Variants in MOCOS observed in about 807,000 individuals in gnomAD.
MOCOS encodes human molybdenum cofactor sulfurase.
In MOCOS, 86 loss-of-function variants were observed where a neutral mutation model predicts 83.6. That is an observed-to-expected ratio of 1.03 (90% CI 0.86 to 1.23). MOCOS has a LOEUF of 1.23. Ranked by LOEUF, MOCOS falls within the 50% of genes most tolerant of loss-of-function variation. The pLI is 0.00. For missense variants in MOCOS, 1,120 were observed against 1,126.9 expected (o/e 0.99, Z 0.09); for synonymous variants, 445 against 434.7 (o/e 1.02, Z -0.29).
At position 36,257,031 on chromosome 18, in the gene MOCOS, A is replaced by T; in HGVS notation, c.2228A>T (p.Asn743Ile). The T allele has an allele frequency of 6.2e-7, 1 of 1,614,144 alleles. No individual in the cohort carries two copies. The highest frequency in any genetic ancestry group is 8.5e-7 in the Non-Finnish European group (1 of 1,180,002). Residue 743 changes from asparagine (N) to isoleucine (I), a missense_variant, in exon 12 of 15, where the codon AAC becomes ATC. Physicochemically the swap from Asn to Ile is moderately radical, Grantham distance 149 (BLOSUM62 -3). Transcript: ENST00000261326. Reference sequence around the variant, plus strand: ...AATGAGGCACAGTATCTGCTGATCAACACATCCAGTATTTTGGAACTTCAC... The same window carrying T: ...AATGAGGCACAGTATCTGCTGATCATCACATCCAGTATTTTGGAACTTCAC... ...LVNEAQYLLI[N>I]TSSILELHRQ...
At chr18:36,205,354 T>G (rs1261128055) in intron 6 of MOCOS, 78 bp downstream of exon 6, 1 of 1,445,478 alleles carries the variant, frequency 6.9e-7, no homozygotes, top group Non-Finnish European at 9.7e-7. Context: ...TGTGACAAAG[T>G]CCATGCACTG....
intron 9 of MOCOS, among the ~76,000 whole-genome samples, chr18:36,226,725 T>G (rs1011282642): frequency 1.2e-4 from 18 of 149,858 alleles, no homozygotes; most frequent in African/African-American, 3.5e-4. Flanking sequence ...TTTTTTTTTT[T>G]GGTGTGTAGT....
intron 8 of MOCOS, among the ~76,000 whole-genome samples, chr18:36,218,789 G>C (rs1020801058): frequency 4.0e-5 from 6 of 151,716 alleles, no homozygotes; most frequent in Non-Finnish European, 7.4e-5. Flanking sequence ...CAAAGTGCTG[G>C]CGTTACAGAC....
intron 10 of MOCOS, among the ~76,000 whole-genome samples, chr18:36,249,580 A>C (rs772623086): frequency 2.0e-5 from 3 of 151,968 alleles, no homozygotes; most frequent in Non-Finnish European, 4.4e-5. Flanking sequence ...ATAGGGAGGG[A>C]AAAGACCTGA....
At chr18:36,214,491 C>T (rs993542323) in intron 7 of MOCOS, among the ~76,000 whole-genome samples, 1 of 151,956 alleles carries the variant, frequency 6.6e-6, no homozygotes, top group African/African-American at 2.4e-5. Flanking sequence ...TCCAGGGATT[C>T]TGCGTCTCCC....
intron 13 of MOCOS, among the ~76,000 whole-genome samples, chr18:36,266,525 G>A (rs770338989): frequency 2.6e-5 from 4 of 152,088 alleles, no homozygotes; most frequent in African/African-American, 4.8e-5. Context: ...CCTGAGAACC[G>A]TCAAGATCTC....
chr18:36,229,361 T>TG (rs2091529578), intron 9 of MOCOS, among the ~76,000 whole-genome samples: 1 of 152,206 alleles, frequency 6.6e-6, no homozygotes, highest in South Asian at 2.1e-4. Context: ...AAATTTCTGC[T>TG]GAAAAAAATC....
intron 9 of MOCOS, among the ~76,000 whole-genome samples, chr18:36,242,239 C>G (rs1448270367): frequency 6.6e-6 from 1 of 152,200 alleles, no homozygotes; most frequent in Non-Finnish European, 1.5e-5. Context: ...GAAAGTTCCA[C>G]AGATCTCTAG....
intron 9 of MOCOS, among the ~76,000 whole-genome samples, chr18:36,240,608 C>T (rs2091577951): frequency 6.6e-6 from 1 of 152,048 alleles, no homozygotes; most frequent in African/African-American, 2.4e-5. Flanking sequence ...GCCCTGCCCC[C>T]AGAGGTGGAG....
At chr18:36,244,960 G>A (rs556480695) in intron 9 of MOCOS, among the ~76,000 whole-genome samples, 1 of 152,080 alleles carries the variant, frequency 6.6e-6, no homozygotes, top group African/African-American at 2.4e-5. Flanking sequence ...CTCACTTTTG[G>A]TTTCCATTTT....
At chr18:36,245,676 G>A (rs1409794946) in intron 9 of MOCOS, among the ~76,000 whole-genome samples, 1 of 152,162 alleles carries the variant, frequency 6.6e-6, no homozygotes, top group East Asian at 1.9e-4. Flanking sequence ...TAGATCTCTA[G>A]TGAGATCAGA....
intron 9 of MOCOS, among the ~76,000 whole-genome samples, chr18:36,224,065 T>C (rs2091506695): frequency 6.6e-6 from 1 of 152,190 alleles, no homozygotes; most frequent in South Asian, 2.1e-4. Context: ...GGTCTTCTTA[T>C]TTCCTTTTCA....
Position 36,215,587 on chromosome 18 carries a change from T to C in MOCOS, c.1407T>C (p.Phe469=), listed in dbSNP as rs777691115. The C allele has an allele frequency of 3.7e-6, 6 of 1,614,224 alleles. No individual in the cohort carries two copies. In the South Asian group the frequency reaches 5.5e-5, roughly 15 times the overall value. ...GQPTGSVRIS[F]GYMSTLDDVQ... ...CCACAGGATCTGTGAGGATTTCATT[T>C]GGATACATGTCGACGCTGGATGATG... The change falls in exon 8 of 15, where the codon TTT becomes TTC. Residue 469 remains phenylalanine (F), a synonymous_variant. Coordinates refer to ENST00000261326, the MANE Select transcript of MOCOS (RefSeq NM_017947.4).
At chr18:36,199,434 G>A (rs1333769622) in intron 3 of MOCOS, among the ~76,000 whole-genome samples, 1 of 152,228 alleles carries the variant, frequency 6.6e-6, no homozygotes, top group Non-Finnish European at 1.5e-5. Flanking sequence ...CTCTGATTAA[G>A]TTTATTGTGG....
In MOCOS at chr18:36,245,690, G is replaced by A. The variant is rs527876078; in HGVS notation, c.1961-3232G>A. Among the ~76,000 whole-genome samples the A allele has an allele frequency of 3.9e-5, 6 of 152,256 alleles. No individual in the cohort carries two copies. The East Asian group carries it at 9.6e-4, about 24-fold the overall frequency. On this transcript the variant is annotated intron_variant, in intron 9 of 14. Coordinates refer to ENST00000261326, the MANE Select transcript of MOCOS (RefSeq NM_017947.4). Reference sequence around the variant, plus strand: ...CTAGATCTCTAGTGAGATCAGAGAAGTTTTCCTTGATTATTCCCTCAAATA... The same window carrying A: ...CTAGATCTCTAGTGAGATCAGAGAAATTTTCCTTGATTATTCCCTCAAATA...
At chr18:36,242,952 C>T (rs186856523) in intron 9 of MOCOS, among the ~76,000 whole-genome samples, 42 of 152,284 alleles carry the variant, frequency 2.8e-4, no homozygotes, top group African/African-American at 8.9e-4. Flanking sequence ...TTTCTTTCAG[C>T]AGTGTTTTAT....
chr18:36,191,606 G>A (rs954763435), intron 1 of MOCOS, among the ~76,000 whole-genome samples: 1 of 152,150 alleles, frequency 6.6e-6, no homozygotes, highest in Admixed American at 6.5e-5. Flanking sequence ...ACCATGCCTG[G>A]CTATTTATTT....
intron 9 of MOCOS, 66 bp downstream of exon 9, chr18:36,220,283 CTCTACCA>C (rs2091491277): frequency 6.3e-7 from 1 of 1,581,372 alleles, no homozygotes; most frequent in African/African-American, 1.3e-5. Context: ...ATATGAAATA[CTCTACCA>C]AGTGTTAGAA....
At chr18:36,242,256 G>A (rs368283793) in intron 9 of MOCOS, among the ~76,000 whole-genome samples, 1 of 152,130 alleles carries the variant, frequency 6.6e-6, no homozygotes, top group African/African-American at 2.4e-5. Context: ...CTAGGGCAGG[G>A]GCAAAATGCT....
Sources: gnomAD v4.1 joint callset for allele counts (sites outside exome capture counted in the v4.1 genomes callset) on GRCh38, gnomAD v4.1.1 for gene constraint, MANE v1.5 for transcripts, NCBI Gene and HGNC (gene_info 2026-07-23, HGNC 2026-07-21) for gene names.